ST6GALNAC3: variants seen among roughly 807,000 people sequenced by gnomAD.
ST6GALNAC3 encodes the protein ST6 N-acetylgalactosaminide alpha-2,6-sialyltransferase 3, also known as alpha-N-acetylgalactosaminide alpha-2,6-sialyltransferase 3.
Under a neutral mutation model 32.7 loss-of-function variants are expected in ST6GALNAC3, and 25 were observed. The ratio of observed to expected loss-of-function variants is 0.76; its 90% CI spans 0.56 to 1.07. The LOEUF (loss-of-function observed/expected upper bound fraction) is 1.07. Among genes scored for constraint, ST6GALNAC3 ranks in the 50% least tolerant of loss-of-function variants. ST6GALNAC3 has a pLI of 0.00. For synonymous variants in ST6GALNAC3, 129 were observed against 133.1 expected (o/e 0.97, Z 0.21); for missense variants, 355 against 382.4 (o/e 0.93, Z 0.60).
At chr1:76,602,031 C>T (rs1234308892) in intron 3 of ST6GALNAC3, among the ~76,000 whole-genome samples, 4 of 152,126 alleles carry the variant, frequency 2.6e-5, no homozygotes, top group Non-Finnish European at 5.9e-5. Flanking sequence ...TTTAGAGACT[C>T]TGAAATAGTC....
At chr1:76,351,933 G>T (rs1649009133) in intron 2 of ST6GALNAC3, among the ~76,000 whole-genome samples, 1 of 152,058 alleles carries the variant, frequency 6.6e-6, no homozygotes. Context: ...TGAGGAGGTT[G>T]GGGTGGGGGA....
intron 3 of ST6GALNAC3, among the ~76,000 whole-genome samples, chr1:76,554,442 A>T (rs530572763): frequency 6.6e-6 from 1 of 152,282 alleles, no homozygotes; most frequent in African/African-American, 2.4e-5. Context: ...AAAACTGATG[A>T]AATAACTAAT....
At chr1:76,571,595 T>G (rs2100494161) in intron 3 of ST6GALNAC3, among the ~76,000 whole-genome samples, 1 of 152,278 alleles carries the variant, frequency 6.6e-6, no homozygotes, top group African/African-American at 2.4e-5. Context: ...TCTTATATTA[T>G]AAATGCAAAT....
At chr1:76,341,631 TTC>T (rs1648003035) in intron 2 of ST6GALNAC3, among the ~76,000 whole-genome samples, 1 of 133,422 alleles carries the variant, frequency 7.5e-6, no homozygotes, top group Admixed American at 7.6e-5. Context: ...CTTTCTTTCT[TTC>T]TTTCTTTCTT....
rs140425731 is a variant in ST6GALNAC3, at chr1:76,140,366, G to A, written c.18+65482G>A. On this transcript the variant is annotated intron_variant, in intron 1 of 4. Transcript: ENST00000328299. ...GGAAGGCCATTCTTTTGCCAGGTAA[G>A]GGGCAGGAAAATGTGTGACTCCAAA... Among the ~76,000 whole-genome samples, 191 of 152,252 alleles carry A rather than the reference G, an allele frequency of 1.3e-3. 3 individuals carry two copies. The East Asian group carries it at 0.033, about 27-fold the overall frequency.
intron 1 of ST6GALNAC3, among the ~76,000 whole-genome samples, chr1:76,167,911 G>T (rs954428780): frequency 7.3e-5 from 11 of 151,440 alleles, no homozygotes; most frequent in African/African-American, 2.2e-4. Context: ...TGGTATGTCT[G>T]TTTTATTAAT....
At chr1:76,270,058 C>T (rs945124781) in intron 1 of ST6GALNAC3, among the ~76,000 whole-genome samples, 1 of 152,088 alleles carries the variant, frequency 6.6e-6, no homozygotes, top group African/African-American at 2.4e-5. Flanking sequence ...CCATACCCCC[C>T]AAATAGTGGT....
intron 1 of ST6GALNAC3, among the ~76,000 whole-genome samples, chr1:76,098,144 A>T (rs1053972926): frequency 6.6e-6 from 1 of 152,172 alleles, no homozygotes; most frequent in African/African-American, 2.4e-5. Flanking sequence ...ACAAGGCAAT[A>T]ATTTGTTGCA....
At chr1:76,295,431 G>T (rs1213325511) in intron 1 of ST6GALNAC3, among the ~76,000 whole-genome samples, 1 of 152,100 alleles carries the variant, frequency 6.6e-6, no homozygotes, top group East Asian at 1.9e-4. Flanking sequence ...TCCTACTGCT[G>T]CTCAGTGGAG....
At chr1:76,076,211 T>A (rs1447052129) in intron 1 of ST6GALNAC3, among the ~76,000 whole-genome samples, 2 of 152,220 alleles carry the variant, frequency 1.3e-5, no homozygotes, top group Non-Finnish European at 2.9e-5. Flanking sequence ...ATTGTGTTAT[T>A]TGCTGAAAGG....
intron 1 of ST6GALNAC3, among the ~76,000 whole-genome samples, chr1:76,197,630 A>C (rs1290450773): frequency 6.6e-6 from 1 of 152,182 alleles, no homozygotes; most frequent in African/African-American, 2.4e-5. Context: ...CTAGAGGAGA[A>C]GCAGCACACA....
intron 2 of ST6GALNAC3, among the ~76,000 whole-genome samples, chr1:76,342,280 A>G (rs1351855954): frequency 1.3e-5 from 2 of 152,176 alleles, no homozygotes; most frequent in African/African-American, 2.4e-5. Context: ...TTGAGGAATC[A>G]CCAAACTGTC....
intron 1 of ST6GALNAC3, among the ~76,000 whole-genome samples, chr1:76,246,779 T>A (rs536049697): frequency 8.4e-4 from 128 of 152,304 alleles, no homozygotes; most frequent in African/African-American, 3.0e-3. Flanking sequence ...GAGTTTGTTA[T>A]TACCCACCTT....
chr1:76,351,889 A>G (rs535767217), intron 2 of ST6GALNAC3, among the ~76,000 whole-genome samples: 9 of 152,258 alleles, frequency 5.9e-5, no homozygotes, highest in African/African-American at 1.7e-4. Context: ...AATTACAGAT[A>G]TTGTCTCATC....
chr1:76,239,476 A>G (rs1421439307), intron 1 of ST6GALNAC3, among the ~76,000 whole-genome samples: 1 of 152,158 alleles, frequency 6.6e-6, no homozygotes, highest in Non-Finnish European at 1.5e-5. Context: ...GCTTTTGGTC[A>G]GGACCTCAGG....
Position 76,509,979 on chromosome 1 carries a change from C to A in ST6GALNAC3, c.623+97562C>A, listed in dbSNP as rs1329647080. Among the ~76,000 whole-genome samples, 2 of 152,114 alleles carry A rather than the reference C, an allele frequency of 1.3e-5. No homozygotes were observed. The highest frequency in any genetic ancestry group is 4.8e-5 in the African/African-American group (2 of 41,432). ...GGGATATCTTTAGGGAGCTATTATTCTATCTAACACAGGGAAAAAAAGGAT... is the reference window on the plus strand; with the variant it reads ...GGGATATCTTTAGGGAGCTATTATTATATCTAACACAGGGAAAAAAAGGAT... On this transcript the variant is annotated intron_variant, in intron 3 of 4. Coordinates refer to ENST00000328299, the MANE Select transcript of ST6GALNAC3 (RefSeq NM_152996.4). This position sits in a 1 kb window ranked among gnomAD's most constrained non-coding sequence, Gnocchi z 5.5.
At chr1:76,437,768 G>T (rs1034680260) in intron 3 of ST6GALNAC3, among the ~76,000 whole-genome samples, 3 of 151,602 alleles carry the variant, frequency 2.0e-5, no homozygotes, top group South Asian at 2.1e-4. Context: ...AGTAGAGTGG[G>T]TTTCACCATG....
chr1:76,327,275 CGTGTGTGTGTGTGT>C lies in ST6GALNAC3; in HGVS notation c.213+13303_213+13316del, dbSNP rs3079480. On this transcript the variant is annotated intron_variant, in intron 2 of 4. Transcript: ENST00000328299. ...CCAACAGGATGTGTATGTATATATG[CGTGTGTGTGTGTGT>C]GTGTGTGTGTGTGTGTGTGTGTGTG... is the stretch of plus-strand genomic sequence containing the variant. Among the ~76,000 whole-genome samples, 148 of 138,724 alleles carry C rather than the reference CGTGTGTGTGTGTGT, an allele frequency of 1.1e-3. 1 individual carries two copies. The highest frequency in any genetic ancestry group is 1.9e-3 in the African/African-American group (72 of 38,534). 91.0% of individuals were successfully genotyped at this position (138,724 alleles called of 152,430 possible).
At chr1:76,283,690 A>G (rs1659623563) in intron 1 of ST6GALNAC3, among the ~76,000 whole-genome samples, 1 of 152,218 alleles carries the variant, frequency 6.6e-6, no homozygotes, top group African/African-American at 2.4e-5. Context: ...CTATGCAACA[A>G]TGCTCTGTTT....
Sources: gnomAD v4.1 joint callset for allele counts (sites outside exome capture counted in the v4.1 genomes callset) on GRCh38, gnomAD v4.1.1 for gene constraint, Gnocchi (gnomAD v3.1) non-coding constraint, MANE v1.5 for transcripts, NCBI Gene and HGNC (gene_info 2026-07-23, HGNC 2026-07-21) for gene names.